EXOC6: variants seen among roughly 807,000 people sequenced by gnomAD.
EXOC6 encodes exocyst complex component 6, also known as SEC15-like 1.
EXOC6 carries 60 observed loss-of-function variants against 112.5 expected under a neutral mutation model. That is an observed-to-expected ratio of 0.53 (90% CI 0.43 to 0.66). EXOC6 has a LOEUF of 0.66. EXOC6 is among the 30% of genes least tolerant of loss of function. EXOC6 has a pLI of 0.00. For synonymous variants in EXOC6, 295 were observed against 308.0 expected, an observed-to-expected ratio of 0.96 and a Z score of 0.44; for missense variants, 855 against 957.1, an observed-to-expected ratio of 0.89 and a Z score of 1.41.
chr10:92,871,922 TA>T (rs1173385550), intron 1 of EXOC6, among the ~76,000 whole-genome samples: 1 of 152,190 alleles, frequency 6.6e-6, no homozygotes, highest in African/African-American at 2.4e-5. Flanking sequence ...TGTGTATTTG[TA>T]ATTTCAGTCA....
At chr10:92,844,327 C>T (rs1404887264), upstream of EXOC6, among the ~76,000 whole-genome samples, 1 of 152,088 alleles carries the variant, frequency 6.6e-6, no homozygotes, top group Non-Finnish European at 1.5e-5. Context: ...AGGAGCAGTT[C>T]CTGGAAATGG....
At chr10:92,901,160 A>T (rs1253816681) in intron 5 of EXOC6, 4 of 152,168 alleles carry the variant, frequency 2.6e-5, no homozygotes, top group African/African-American at 9.7e-5. Flanking sequence ...GGTTATGCTA[A>T]ATTTGATCAT....
At chr10:92,970,229 C>T (rs912190884) in intron 17 of EXOC6, among the ~76,000 whole-genome samples, 14 of 152,116 alleles carry the variant, frequency 9.2e-5, no homozygotes, top group African/African-American at 3.4e-4. Context: ...TATCATAGAT[C>T]AAAAATATTT....
chr10:92,842,506 C>T (rs1202617491), intron 1 of EXOC6, among the ~76,000 whole-genome samples: 2 of 150,964 alleles, frequency 1.3e-5, no homozygotes, highest in East Asian at 3.9e-4. Flanking sequence ...CCTATTTTGC[C>T]AAGAGGAGAG....
At chr10:92,900,622 A>T in intron 5 of EXOC6, 1 of 151,130 alleles carries the variant, frequency 6.6e-6, no homozygotes, top group East Asian at 1.9e-4. Flanking sequence ...ATATCCTCAC[A>T]TTTTAAAGAT....
At chr10:92,981,770 C>G (rs1355475917) in intron 18 of EXOC6, among the ~76,000 whole-genome samples, 1 of 152,096 alleles carries the variant, frequency 6.6e-6, no homozygotes, top group African/African-American at 2.4e-5. Flanking sequence ...TTCAAATATG[C>G]TTAACTTTTG....
chr10:92,983,303 A>G (rs1842889683), intron 18 of EXOC6, among the ~76,000 whole-genome samples: 1 of 151,990 alleles, frequency 6.6e-6, no homozygotes, highest in Non-Finnish European at 1.5e-5. Context: ...CCCTTTCCCC[A>G]TTTCCACTCC....
chr10:93,049,372 T>G (rs1449723368), intron 20 of EXOC6, among the ~76,000 whole-genome samples: 2 of 152,156 alleles, frequency 1.3e-5, no homozygotes, highest in African/African-American at 4.8e-5. Context: ...AGCAGCATTA[T>G]TTTTAATAGC....
At chr10:92,995,830 A>G (rs1466082727) in intron 18 of EXOC6, among the ~76,000 whole-genome samples, 2 of 152,182 alleles carry the variant, frequency 1.3e-5, no homozygotes, top group Non-Finnish European at 2.9e-5. Flanking sequence ...CGATTGAGAA[A>G]TTGACATTCC....
intron 1 of EXOC6, among the ~76,000 whole-genome samples, chr10:92,837,524 T>C (rs992425477): frequency 2.0e-5 from 3 of 151,998 alleles, no homozygotes; most frequent in East Asian, 3.9e-4. Flanking sequence ...TTAAAATTAG[T>C]TGGTGGCTTG....
chr10:92,909,283 G>T, intron 5 of EXOC6, 144 bp from the exon 6 acceptor site: 2 of 569,358 alleles, frequency 3.5e-6, no homozygotes, highest in Admixed American at 3.6e-5. Context: ...TTGACAAATA[G>T]ATGTAAATAT....
intron 9 of EXOC6, among the ~76,000 whole-genome samples, chr10:92,930,241 G>C (rs566210601): frequency 4.6e-5 from 7 of 152,282 alleles, no homozygotes; most frequent in Middle Eastern, 6.8e-3. Flanking sequence ...AGTGGCTCAC[G>C]CCTGTAATCC....
intron 8 of EXOC6, among the ~76,000 whole-genome samples, chr10:92,922,131 A>T (rs1851479433): frequency 6.6e-6 from 1 of 151,990 alleles, no homozygotes; most frequent in African/African-American, 2.4e-5. Context: ...TTTTTAGTAG[A>T]GACGGGGTTT....
chr10:92,928,340 G>A lies in EXOC6; in HGVS notation c.890G>A (p.Gly297Asp), dbSNP rs1345510795. ...YRCLHIYSVL[G>D]DEETFENYYR... ...ATTACTCTGCTGATTTTATTTTAGGGTGACGAGGAAACATTTGAAAACTAT... is the reference window on the plus strand; with the variant it reads ...ATTACTCTGCTGATTTTATTTTAGGATGACGAGGAAACATTTGAAAACTAT... Residue 297 changes from glycine (G) to aspartate (D), a missense_variant and splice_region_variant, in exon 9 of 22, where the codon GGT becomes GAT. Around this residue, in one of 2 missense-constraint regions of EXOC6, gnomAD observed 405 missense variants for 393.6 expected, o/e 1.03. Coordinates refer to ENST00000260762, the MANE Select transcript of EXOC6 (RefSeq NM_019053.6). 14 of 1,597,998 alleles carry A rather than the reference G, an allele frequency of 8.8e-6. 1 individual carries two copies. Among genetic ancestry groups the A allele is most frequent in the South Asian group, 2.2e-5 (2 of 89,490 alleles).
intron 2 of EXOC6, 46 bp downstream of exon 2, chr10:92,893,566 C>T: frequency 6.7e-7 from 1 of 1,495,594 alleles, no homozygotes; most frequent in South Asian, 1.3e-5. Context: ...CATTAAATTA[C>T]TCAAGTCTTA....
rs7913618 is a variant in EXOC6, at chr10:92,993,365, A to G, written c.1954-4109A>G. ...ATTAAGGATGAGTAGACCAATACGG[A>G]AAGAATGTGATTTCAAGAGCACATT... is the stretch of plus-strand genomic sequence containing the variant. On this transcript the variant is annotated intron_variant, in intron 18 of 21. Coordinates refer to ENST00000260762, the MANE Select transcript of EXOC6 (RefSeq NM_019053.6). Among the ~76,000 whole-genome samples, 501 of 152,298 alleles carry G rather than the reference A, an allele frequency of 3.3e-3. 3 individuals carry two copies. The highest frequency in any genetic ancestry group is 0.011 in the African/African-American group (477 of 41,590).
chr10:92,860,265 CTTT>C (rs35900396), intron 1 of EXOC6, among the ~76,000 whole-genome samples: 897 of 88,028 alleles, frequency 0.01, 8 homozygotes, highest in African/African-American at 0.039. Flanking sequence ...ATCTCCACAA[CTTT>C]TTTTTTTTTT....
upstream of EXOC6, among the ~76,000 whole-genome samples, chr10:92,847,965 A>G (rs577453927): frequency 5.6e-4 from 85 of 151,572 alleles, no homozygotes; most frequent in South Asian, 9.0e-3. Context: ...AGGCGGGGAC[A>G]TGAATCCACC....
Position 92,896,163 on chromosome 10 carries a change from ATATATATATATATATATATTT to A in EXOC6, c.412+1145_412+1165del, listed in dbSNP as rs1849783028. Among the ~76,000 whole-genome samples the A allele has an allele frequency of 9.3e-5, 2 of 21,518 alleles. 1 individual carries two copies. Among genetic ancestry groups the A allele is most frequent in the Non-Finnish European group, 1.5e-4 (2 of 13,626 alleles). 14.1% of individuals were successfully genotyped at this position (21,518 alleles called of 152,430 possible). On this transcript the variant is annotated intron_variant, in intron 4 of 21. Coordinates refer to ENST00000260762, the MANE Select transcript of EXOC6 (RefSeq NM_019053.6). ...TATGTATGTGTATATATATATATATATATATATATATATATATATTTTTTTTTTTTTTTTTTTTTTTTTTTT... is the reference window on the plus strand; with the variant it reads ...TATGTATGTGTATATATATATATATATTTTTTTTTTTTTTTTTTTTTTTTT...
Sources: allele counts gnomAD v4.1 joint callset (sites outside exome capture counted in the v4.1 genomes callset), GRCh38; gene constraint gnomAD v4.1.1; regional missense constraint gnomAD v4.1.1; transcripts MANE v1.5; gene names NCBI Gene and HGNC (gene_info 2026-07-23, HGNC 2026-07-21).